SHC4: variants seen among roughly 807,000 people sequenced by gnomAD.
SHC4 encodes SHC adaptor protein 4, also known as SHC-transforming protein 4.
Under a neutral mutation model 69.4 loss-of-function variants are expected in SHC4, and 41 were observed. The observed-to-expected ratio is 0.59, with a 90% CI of 0.46 to 0.77. SHC4 has a LOEUF of 0.77. Among genes scored for constraint, SHC4 ranks in the 30% least tolerant of loss-of-function variants. The probability of loss-of-function intolerance (pLI) is 0.00; values close to 1 mark genes in which losing one functional copy is unlikely to be tolerated. For missense variants in SHC4, 777 were observed against 783.8 expected (o/e 0.99, Z 0.10); for synonymous variants, 318 against 299.3 (o/e 1.06, Z -0.64).
chr15:48,858,106 T>C (rs1165297057), intron 6 of SHC4, among the ~76,000 whole-genome samples: 4 of 152,178 alleles, frequency 2.6e-5, no homozygotes, highest in African/African-American at 9.7e-5. Context: ...TGACTAATAA[T>C]GTGACTAATG....
intron 1 of SHC4, among the ~76,000 whole-genome samples, chr15:48,930,762 C>A (rs1900949504): frequency 6.6e-6 from 1 of 152,198 alleles, no homozygotes; most frequent in Non-Finnish European, 1.5e-5. Flanking sequence ...ACCAAAATGG[C>A]AGGAAAACAC....
chr15:48,861,021 T>C (rs1434832364), intron 6 of SHC4, among the ~76,000 whole-genome samples: 3 of 152,234 alleles, frequency 2.0e-5, no homozygotes, highest in Non-Finnish European at 4.4e-5. Context: ...AATGTCTTAT[T>C]TATCTCAACT....
intron 1 of SHC4, among the ~76,000 whole-genome samples, chr15:48,936,617 C>G (rs1401920891): frequency 6.6e-6 from 1 of 152,164 alleles, no homozygotes; most frequent in African/African-American, 2.4e-5. Context: ...ACCTCCCCAG[C>G]CATGGCTCCT....
At chr15:48,937,222 C>G (rs1901087729) in intron 1 of SHC4, among the ~76,000 whole-genome samples, 1 of 152,086 alleles carries the variant, frequency 6.6e-6, no homozygotes. Flanking sequence ...GGTAGGTGAT[C>G]TCCTTTTTTA....
chr15:48,887,001 G>T lies in SHC4; in HGVS notation c.721-2634C>A, dbSNP rs117100890. On this transcript the variant is annotated intron_variant, in intron 3 of 11. Coordinates refer to ENST00000332408, the MANE Select transcript of SHC4 (RefSeq NM_203349.4). ...GGAAACATTAATTGACTATATCTGG[G>T]TCAATTTATTTGTACTGACATAGCA... Among the ~76,000 whole-genome samples, 552 of 152,254 alleles carry T rather than the reference G, an allele frequency of 3.6e-3. 5 individuals are homozygous for T. Among genetic ancestry groups the T allele is most frequent in the Admixed American group, 5.9e-3 (91 of 15,296 alleles).
intron 1 of SHC4, among the ~76,000 whole-genome samples, chr15:48,961,835 C>T (rs1441579439): frequency 6.6e-6 from 1 of 152,204 alleles, no homozygotes; most frequent in Non-Finnish European, 1.5e-5. Context: ...ATGGACAAGG[C>T]CTACTTGCTG....
chr15:48,940,017 C>T (rs1431316501), intron 1 of SHC4, among the ~76,000 whole-genome samples: 2 of 152,190 alleles, frequency 1.3e-5, no homozygotes, highest in Non-Finnish European at 2.9e-5. Context: ...CATGGGGCAG[C>T]GGAAGGATGG....
chr15:48,951,238 CCACAT>C (rs1002428118), intron 1 of SHC4, among the ~76,000 whole-genome samples: 2 of 152,050 alleles, frequency 1.3e-5, no homozygotes, highest in African/African-American at 2.4e-5. Flanking sequence ...TCATCCCCAG[CCACAT>C]CCTTCCTACC....
At chr15:48,859,432 G>A (rs1413626613) in intron 6 of SHC4, among the ~76,000 whole-genome samples, 1 of 151,562 alleles carries the variant, frequency 6.6e-6, no homozygotes, top group Non-Finnish European at 1.5e-5. Context: ...GTACAAATTG[G>A]ATCCTGAAAT....
intron 4 of SHC4, among the ~76,000 whole-genome samples, chr15:48,880,340 C>T (rs548610970): frequency 2.9e-4 from 44 of 152,314 alleles, no homozygotes; most frequent in Non-Finnish European, 4.9e-4. Flanking sequence ...CTTAATCCTA[C>T]TGCCTCTTCC....
intron 4 of SHC4, chr15:48,876,767 A>G (rs1319561788): frequency 1.5e-5 from 7 of 455,006 alleles, no homozygotes; most frequent in Non-Finnish European, 2.0e-5. Context: ...ATTGTGCCCA[A>G]CCAGATTAAG....
At chr15:48,886,476 G>T (rs747464414) in intron 3 of SHC4, among the ~76,000 whole-genome samples, 11 of 152,032 alleles carry the variant, frequency 7.2e-5, no homozygotes, top group African/African-American at 2.7e-4. Flanking sequence ...TTAAAAGACC[G>T]ATGGAAGAAA....
chr15:48,863,753 T>C (rs750279363), intron 6 of SHC4, among the ~76,000 whole-genome samples: 27 of 152,338 alleles, frequency 1.8e-4, no homozygotes, highest in Middle Eastern at 3.4e-3. Flanking sequence ...AATTATAATT[T>C]GTGTGTCTGA....
In SHC4 at chr15:48,929,419, G is replaced by A. The variant is rs568658910; in HGVS notation, c.586-4470C>T. Among the ~76,000 whole-genome samples, 6 of 152,278 alleles carry A rather than the reference G, an allele frequency of 3.9e-5. No individual in the cohort carries two copies. The South Asian group carries it at 1.2e-3, about 32-fold the overall frequency. On this transcript the variant is annotated intron_variant, in intron 1 of 11. Transcript: ENST00000332408. ...GAGATGACCTATCTTTTCTTTTTAT[G>A]AGATTAGTCATTGTTGCTAACTTTA...
intron 1 of SHC4, among the ~76,000 whole-genome samples, chr15:48,945,016 T>C (rs771896922): frequency 1.3e-5 from 2 of 152,246 alleles, no homozygotes; most frequent in Non-Finnish European, 2.9e-5. Flanking sequence ...TTTATGCTTA[T>C]GTTTTTCTCT....
intron 9 of SHC4, among the ~76,000 whole-genome samples, chr15:48,848,180 G>A (rs1191677546): frequency 1.3e-5 from 2 of 152,056 alleles, no homozygotes; most frequent in East Asian, 3.9e-4. Context: ...ATGGCCACTG[G>A]GACATGGGTT....
chr15:48,960,889 C>T (rs936190376), intron 1 of SHC4, among the ~76,000 whole-genome samples: 1 of 151,912 alleles, frequency 6.6e-6, no homozygotes, highest in Non-Finnish European at 1.5e-5. Flanking sequence ...TTTTTTTTCA[C>T]CCTTTACAAC....
At chr15:48,943,278 G>A (rs1289022417) in intron 1 of SHC4, among the ~76,000 whole-genome samples, 1 of 152,066 alleles carries the variant, frequency 6.6e-6, no homozygotes, top group Non-Finnish European at 1.5e-5. Flanking sequence ...CCTGGCCCTT[G>A]TAACCCCTGT....
At chr15:48,944,080 A>G (rs1234330480) in intron 1 of SHC4, among the ~76,000 whole-genome samples, 2 of 152,134 alleles carry the variant, frequency 1.3e-5, no homozygotes, top group East Asian at 3.9e-4. Context: ...TCTTCTTCAG[A>G]AAAAGGTCTA....
Sources: allele counts gnomAD v4.1 joint callset (sites outside exome capture counted in the v4.1 genomes callset), GRCh38; gene constraint gnomAD v4.1.1; transcripts MANE v1.5; gene names NCBI Gene and HGNC (gene_info 2026-07-23, HGNC 2026-07-21).